Variants in CALCRL observed in about 807,000 individuals in gnomAD.
CALCRL encodes the protein calcitonin receptor like receptor.
Under a neutral mutation model 60.4 loss-of-function variants are expected in CALCRL, and 27 were observed. That is an observed-to-expected ratio of 0.45 (90% CI 0.33 to 0.62). The LOEUF (loss-of-function observed/expected upper bound fraction) is 0.62, where lower values mean the gene tolerates loss of function less well. Ranked by LOEUF, CALCRL falls within the 20% of genes least tolerant of loss-of-function variation. The pLI is 0.03. For synonymous variants in CALCRL, 190 were observed against 182.6 expected, an observed-to-expected ratio of 1.04 and a Z score of -0.33; for missense variants, 424 against 540.7, an observed-to-expected ratio of 0.78 and a Z score of 2.14.
intron 1 of CALCRL, among the ~76,000 whole-genome samples, chr2:187,436,000 G>A (rs958336405): frequency 6.6e-6 from 1 of 151,952 alleles, no homozygotes; most frequent in African/African-American, 2.4e-5. Flanking sequence ...CAGGAAAAAT[G>A]TGCCACCAAC....
intron 8 of CALCRL, among the ~76,000 whole-genome samples, chr2:187,376,318 G>C (rs1490949346): frequency 6.6e-6 from 1 of 151,604 alleles, no homozygotes; most frequent in Non-Finnish European, 1.5e-5. Context: ...TAGTAATTTG[G>C]ATTCTTGAAA....
At chr2:187,442,825 G>T (rs1255599308) in intron 1 of CALCRL, among the ~76,000 whole-genome samples, 2 of 151,876 alleles carry the variant, frequency 1.3e-5, no homozygotes, top group Non-Finnish European at 2.9e-5. Context: ...AAGAGATTCA[G>T]TTTGGATTTG....
At chr2:187,352,457 T>C (rs1219144014) in intron 12 of CALCRL, 125 bp from the exon 13 acceptor site, 2 of 601,000 alleles carry the variant, frequency 3.3e-6, no homozygotes, top group Admixed American at 2.9e-5. Context: ...TTTTAAAGGG[T>C]ATTATTGCCT....
intron 1 of CALCRL, among the ~76,000 whole-genome samples, chr2:187,424,770 T>A (rs1690045007): frequency 6.6e-6 from 1 of 151,960 alleles, no homozygotes; most frequent in Admixed American, 6.6e-5. Flanking sequence ...AAATTTTACT[T>A]CATCATATTC....
chr2:187,440,268 A>G (rs1443508726), intron 1 of CALCRL, among the ~76,000 whole-genome samples: 4 of 152,178 alleles, frequency 2.6e-5, no homozygotes, highest in African/African-American at 9.6e-5. Flanking sequence ...TGTTGATAAC[A>G]TCACGCAACT....
At chr2:187,424,322 C>T (rs953294482) in intron 1 of CALCRL, among the ~76,000 whole-genome samples, 2 of 151,968 alleles carry the variant, frequency 1.3e-5, no homozygotes, top group African/African-American at 4.8e-5. Context: ...CCTTTGTGAG[C>T]TATCTACAGC....
At chr2:187,364,843 G>A (rs1687208292) in intron 8 of CALCRL, among the ~76,000 whole-genome samples, 1 of 152,112 alleles carries the variant, frequency 6.6e-6, no homozygotes, top group South Asian at 2.1e-4. Context: ...GGGCAAGATG[G>A]CTCTTGGAAT....
At chr2:187,429,938 G>A (rs1330919039) in intron 1 of CALCRL, among the ~76,000 whole-genome samples, 1 of 152,184 alleles carries the variant, frequency 6.6e-6, no homozygotes, top group East Asian at 1.9e-4. Flanking sequence ...ATGAAGACAT[G>A]ACTGATACAC....
chr2:187,362,275 A>T (rs996616328), intron 9 of CALCRL, among the ~76,000 whole-genome samples: 13 of 152,024 alleles, frequency 8.6e-5, no homozygotes, highest in African/African-American at 2.9e-4. Flanking sequence ...CAAAACTCTG[A>T]ATCTCCTTGT....
At chr2:187,404,157 T>TA (rs370252307) in intron 1 of CALCRL, among the ~76,000 whole-genome samples, 2,023 of 151,026 alleles carry the variant, frequency 0.013, 39 homozygotes, top group African/African-American at 0.045. Flanking sequence ...CAGGATGTGT[T>TA]AAAAAAAAAT....
chr2:187,420,312 T>C (rs1053206817), intron 1 of CALCRL, among the ~76,000 whole-genome samples: 3 of 152,094 alleles, frequency 2.0e-5, no homozygotes, highest in African/African-American at 7.2e-5. Context: ...TATAAGATTA[T>C]GACATAATAA....
intron 1 of CALCRL, among the ~76,000 whole-genome samples, chr2:187,439,136 G>A (rs1204219165): frequency 2.0e-5 from 3 of 152,034 alleles, no homozygotes; most frequent in African/African-American, 7.2e-5. Flanking sequence ...ATGAAAATCA[G>A]GCAGAAATCC....
chr2:187,363,989 G>T (rs911993920), intron 8 of CALCRL, among the ~76,000 whole-genome samples: 15 of 152,030 alleles, frequency 9.9e-5, no homozygotes, highest in African/African-American at 3.4e-4. Context: ...TACACAGACC[G>T]ATCTGGAAAA....
intron 1 of CALCRL, among the ~76,000 whole-genome samples, chr2:187,401,689 G>A (rs1688893474): frequency 6.6e-6 from 1 of 151,398 alleles, no homozygotes; most frequent in Non-Finnish European, 1.5e-5. Context: ...ATTTCTTATA[G>A]GAGTGGAGCA....
chr2:187,413,262 A>G (rs1468631452), intron 1 of CALCRL, among the ~76,000 whole-genome samples: 1 of 152,066 alleles, frequency 6.6e-6, no homozygotes, highest in Non-Finnish European at 1.5e-5. Flanking sequence ...AGGGAAAAAA[A>G]GAGTGAACAT....
intron 1 of CALCRL, among the ~76,000 whole-genome samples, chr2:187,435,583 G>T (rs1205132249): frequency 2.0e-5 from 3 of 152,062 alleles, no homozygotes; most frequent in Middle Eastern, 3.2e-3. Flanking sequence ...AATTATAAAG[G>T]TTTTTGTAGA....
In CALCRL at chr2:187,363,362, C is replaced by G; in HGVS notation, c.627+14G>C. 1 of 1,604,210 alleles carries G rather than the reference C, an allele frequency of 6.2e-7. No homozygotes were observed. Among genetic ancestry groups the G allele is most frequent in the Non-Finnish European group, 8.5e-7 (1 of 1,175,988 alleles). On this transcript the variant is annotated intron_variant, in intron 9 of 14. Coordinates refer to ENST00000392370, the MANE Select transcript of CALCRL (RefSeq NM_005795.6). ...TAGGCCCTTGAACCAAGGGCACAAT[C>G]TTGGTTTACTTACAGGATTTGTGGC...
chr2:187,352,699 T>C (rs1559037913), intron 12 of CALCRL, among the ~76,000 whole-genome samples: 2 of 151,892 alleles, frequency 1.3e-5, no homozygotes, highest in Non-Finnish European at 2.9e-5. Flanking sequence ...AATAATTGTT[T>C]ATGGAAAAAT....
intron 1 of CALCRL, among the ~76,000 whole-genome samples, chr2:187,418,529 A>T (rs1002747132): frequency 4.5e-4 from 68 of 152,280 alleles, no homozygotes; most frequent in African/African-American, 1.4e-3. Context: ...TGTCTTAAAT[A>T]TCGACTTCTA....
Sources: allele counts gnomAD v4.1 joint callset (sites outside exome capture counted in the v4.1 genomes callset), GRCh38; gene constraint gnomAD v4.1.1; transcripts MANE v1.5; gene names NCBI Gene and HGNC (gene_info 2026-07-23, HGNC 2026-07-21).